The following GTPBP6 variants were observed in gnomAD, a reference collection of about 807,000 sequenced individuals.
GTPBP6 encodes the protein putative GTP-binding protein 6.
GTPBP6 carries 33 observed loss-of-function variants against 28.9 expected under a neutral mutation model. That is an observed-to-expected ratio of 1.14 (90% CI 0.87 to 1.53). GTPBP6 has a LOEUF of 1.53. Ranked by LOEUF, GTPBP6 falls within the 40% of genes most tolerant of loss-of-function variation. The probability of loss-of-function intolerance (pLI) is 0.00; values close to 1 mark genes in which losing one functional copy is unlikely to be tolerated. For synonymous variants in GTPBP6, 231 were observed against 192.7 expected, an observed-to-expected ratio of 1.20 and a Z score of -1.65; for missense variants, 507 against 408.3, an observed-to-expected ratio of 1.24 and a Z score of -2.08.
chrX:305,353 ACT>A (rs1316618384), intron 9 of GTPBP6, among the ~76,000 whole-genome samples, 156 bp from the exon 10 acceptor site: 2 of 138,858 alleles, frequency 1.4e-5, no homozygotes, highest in South Asian at 2.2e-4. Flanking sequence ...ACGGAGTCTC[ACT>A]CTGTCGCGTA....
In GTPBP6 at chrX:312,635, C is replaced by A. The variant is rs780155048; in HGVS notation, c.916+131G>T. 7.4e-6 allele frequency: 7 copies of A among 950,678 alleles called. No individual in the cohort carries two copies. In the East Asian group the frequency reaches 1.3e-4, roughly 17 times the overall value. The allele number at this position is 950,678 out of a possible 1,614,324, so 58.9% of individuals were successfully genotyped here. ...CACGGCGACCATGGGAACCCCCTCT[C>A]CTGGGCACGTGCTCACCGCAGCTGT... On this transcript the variant is annotated intron_variant, in intron 6 of 9. Coordinates refer to ENST00000326153, the Ensembl canonical transcript of GTPBP6.
chrX:314,763 A>C (rs2070398114), intron 4 of GTPBP6, 127 bp downstream of exon 4: 1 of 395,116 alleles, frequency 2.5e-6, no homozygotes, highest in African/African-American at 2.1e-5. Flanking sequence ...GGCGTGAGCC[A>C]CCGCGCCCGG....
rs1407669291 is a variant in GTPBP6, at chrX:317,151, C to T, written c.350-100G>A. ...CCTCCTGCCCTTGAGACAATCTCCC[C>T]GGAGAAGGCACCTTGAGCCGCCGTT... On this transcript the variant is annotated intron_variant, in intron 1 of 9. Transcript: ENST00000326153. 104 of 398,276 alleles carry T rather than the reference C, an allele frequency of 2.6e-4. 1 individual carries two copies. Among genetic ancestry groups the T allele is most frequent in the African/African-American group, 1.3e-3 (65 of 48,722 alleles). The allele number at this position is 398,276 out of a possible 1,614,324, so 24.7% of individuals were successfully genotyped here. A position where few individuals can be genotyped will look rare whatever the true frequency, so the allele number is the denominator to read the frequency against.
At position 318,472 on chromosome X, in the gene GTPBP6, TG is replaced by T. The variant is rs1258106612; in HGVS notation, c.315del (p.Lys106SerfsTer9). ...ATCTGCGACTTCCCCGGGCCCCACT[TG>T]ACGTCAGGGTGAACCAGACACACGC... On this transcript the variant is annotated frameshift_variant, in exon 1 of 10. Coordinates refer to ENST00000326153, the Ensembl canonical transcript of GTPBP6. LOFTEE classifies it high-confidence loss of function. The T allele has an allele frequency of 2.5e-6, 1 of 398,318 alleles. No individual in the cohort carries two copies. Among genetic ancestry groups the T allele is most frequent in the African/African-American group, 2.1e-5 (1 of 48,628 alleles). The allele number at this position is 398,318 out of a possible 1,614,324, so 24.7% of individuals were successfully genotyped here.
chrX:314,898 C>T lies in GTPBP6; in HGVS notation c.681G>A (p.Pro227=), dbSNP rs1238940113. 2.6e-4 allele frequency: 103 copies of T among 398,832 alleles called. 1 individual carries two copies. Among genetic ancestry groups the T allele is most frequent in the African/African-American group, 3.5e-4 (17 of 48,760 alleles). 24.7% of individuals were successfully genotyped at this position (398,832 alleles called of 1,614,324 possible). ...CAGGGGCCCCACGATACCTGTGCAG[C>T]GGCATCTCCGCCAGGGCCACCTGAA... Residue 227 remains proline (P), a synonymous_variant, in exon 4 of 10, where the codon CCG becomes CCA. Coordinates refer to ENST00000326153, the Ensembl canonical transcript of GTPBP6.
At chrX:317,725 CA>C (rs2070465862) in intron 1 of GTPBP6, among the ~76,000 whole-genome samples, 1 of 122,660 alleles carries the variant, frequency 8.2e-6, no homozygotes, top group African/African-American at 2.9e-5. Flanking sequence ...CACCCCACCC[CA>C]CCCCACGGAC....
chrX:317,960 A>T, intron 1 of GTPBP6, among the ~76,000 whole-genome samples: 1 of 55,590 alleles, frequency 1.8e-5, no homozygotes, highest in Non-Finnish European at 3.6e-5. Flanking sequence ...CCCCCGCATC[A>T]CCATCCATAA....
chrX:313,752 T>TG (rs2070364459), intron 5 of GTPBP6, among the ~76,000 whole-genome samples: 1 of 148,128 alleles, frequency 6.8e-6, no homozygotes, highest in Admixed American at 6.7e-5. Context: ...AACCCAGGGA[T>TG]GCCTGGAGCC....
At chrX:314,284 G>A (rs1466853949) in intron 4 of GTPBP6, 67 bp from the exon 5 acceptor site, 2 of 1,308,078 alleles carry the variant, frequency 1.5e-6, no homozygotes, top group Non-Finnish European at 2.2e-6. Context: ...AGGTCGAGGT[G>A]AAGGTGAAGG....
Position 316,911 on chromosome X carries a change from CACCT to C in GTPBP6, c.486_487+2del. ...GGGAAGGAGCAGGTCTGGACGGACC[CACCT>C]GTCAGGTGCTCAAAGTTCCCTTTGC... On this transcript the variant is annotated splice_donor_variant and coding_sequence_variant, in exon 2 of 10. Transcript: ENST00000326153. LOFTEE classifies it high-confidence loss of function. 2 of 398,658 alleles carry C rather than the reference CACCT, an allele frequency of 5.0e-6. No homozygotes were observed. Among genetic ancestry groups the C allele is most frequent in the Non-Finnish European group, 8.8e-6 (2 of 226,088 alleles). 24.7% of individuals were successfully genotyped at this position (398,658 alleles called of 1,614,324 possible).
At chrX:317,086 T>C (rs2070452326) in intron 1 of GTPBP6, 35 bp from the exon 2 acceptor site, 1 of 397,686 alleles carries the variant, frequency 2.5e-6, no homozygotes, top group Non-Finnish European at 4.4e-6. Context: ...GAGAGACGCT[T>C]CTGCCCGGGG....
At chrX:306,014 T>C (rs1451112012) in intron 9 of GTPBP6, among the ~76,000 whole-genome samples, 1 of 152,184 alleles carries the variant, frequency 6.6e-6, no homozygotes, top group African/African-American at 2.4e-5. Flanking sequence ...TCCTCCTGCC[T>C]CGGCCTCCCA....
At chrX:316,997 G>C (rs2070450983) in exon 2 of GTPBP6, 1 of 398,568 alleles carries the variant, frequency 2.5e-6, no homozygotes, top group Non-Finnish European at 4.4e-6. Flanking sequence ...CTGCACCACG[G>C]ACCAGCCGTC....
Position 316,258 on chromosome X carries a change from C to G in GTPBP6, c.487+656G>C, listed in dbSNP as rs1419916466. ...ACACAAACACATACACACGCAGACA[C>G]ACACACAGACACACACACAGTAAAT... On this transcript the variant is annotated intron_variant, in intron 2 of 9. Transcript: ENST00000326153. Among the ~76,000 whole-genome samples the G allele has an allele frequency of 2.8e-5, 2 of 70,776 alleles. 1 individual carries two copies. The highest frequency in any genetic ancestry group is 6.3e-5 in the Non-Finnish European group (2 of 31,890). The allele number at this position is 70,776 out of a possible 152,430, so 46.4% of individuals were successfully genotyped here. A position where few individuals can be genotyped will look rare whatever the true frequency, so the allele number is the denominator to read the frequency against.
chrX:316,841 C>T (rs1359987892), intron 2 of GTPBP6, 73 bp downstream of exon 2: 2 of 398,902 alleles, frequency 5.0e-6, no homozygotes, highest in Non-Finnish European at 8.8e-6. Flanking sequence ...TTCAGCATGT[C>T]TCGGTTGGAT....
intron 9 of GTPBP6, among the ~76,000 whole-genome samples, 178 bp from the exon 10 acceptor site, chrX:305,375 G>A (rs1002909325): frequency 1.3e-5 from 2 of 148,350 alleles, no homozygotes; most frequent in African/African-American, 5.1e-5. Context: ...AGGCTGGAGT[G>A]CAGTGGCGCG....
At chrX:317,370 G>A (rs2070457039) in intron 1 of GTPBP6, among the ~76,000 whole-genome samples, 1 of 152,088 alleles carries the variant, frequency 6.6e-6, no homozygotes, top group African/African-American at 2.4e-5. Context: ...GGTTTGGGGA[G>A]TAGAGAGGCA....
Position 311,784 on chromosome X carries a change from C to T in GTPBP6, c.917-157G>A, listed in dbSNP as rs183773301. The stretch of plus-strand genomic sequence containing the variant: ...CTCCTCGGGCACCCCGGGCCAGACC[C>T]GACGCGTGGGACAAAGCCACCGTCG... On this transcript the variant is annotated intron_variant, in intron 6 of 9. Coordinates refer to ENST00000326153, the Ensembl canonical transcript of GTPBP6. 2,102 of 652,594 alleles carry T rather than the reference C, an allele frequency of 3.2e-3. 29 individuals are homozygous for T. In the African/African-American group the frequency reaches 0.034, roughly 10 times the overall value. 40.4% of individuals were successfully genotyped at this position (652,594 alleles called of 1,614,324 possible).
rs376744795 is a variant in GTPBP6, at chrX:312,722, G to GT, written c.916+43_916+44insA. ...CTCCCCCGGGCGAGTCCTCACCGGT[G>GT]ACACGGAGACCGCGGAAGGCCCCTC... On this transcript the variant is annotated intron_variant, in intron 6 of 9. Transcript: ENST00000326153. The GT allele has an allele frequency of 8.8e-6, 14 of 1,595,632 alleles. 1 individual carries two copies. Among genetic ancestry groups the GT allele is most frequent in the Non-Finnish European group, 4.3e-6 (5 of 1,166,122 alleles).
Sources: allele counts gnomAD v4.1 joint callset (sites outside exome capture counted in the v4.1 genomes callset), GRCh38; gene constraint gnomAD v4.1.1; transcripts MANE v1.5; gene names NCBI Gene and HGNC (gene_info 2026-07-23, HGNC 2026-07-21).